The following LVRN variants were observed in gnomAD, a reference collection of about 807,000 sequenced individuals.
LVRN encodes the protein aminopeptidase Q.
Under a neutral mutation model 111.4 loss-of-function variants are expected in LVRN, and 99 were observed. The observed-to-expected ratio is 0.89, with a 90% confidence interval of 0.76 to 1.05. The LOEUF (loss-of-function observed/expected upper bound fraction) is 1.05. Ranked by LOEUF, LVRN falls within the 50% of genes least tolerant of loss-of-function variation. The pLI is 0.00. For missense variants in LVRN, 1,414 were observed against 1,206.8 expected (o/e 1.17, Z -2.54); for synonymous variants, 488 against 449.5 (o/e 1.09, Z -1.08).
chr5:115,964,185 A>C (rs547936156), intron 1 of LVRN, among the ~76,000 whole-genome samples: 3 of 152,230 alleles, frequency 2.0e-5, no homozygotes, highest in South Asian at 4.1e-4. Context: ...TTTTTTTCCA[A>C]CCGGCGATCT....
intron 1 of LVRN, among the ~76,000 whole-genome samples, chr5:115,973,529 G>A (rs1753372669): frequency 6.6e-6 from 1 of 152,064 alleles, no homozygotes; most frequent in Non-Finnish European, 1.5e-5. Flanking sequence ...GAGGCTCTCT[G>A]GGCCTAGAAA....
intron 1 of LVRN, among the ~76,000 whole-genome samples, chr5:115,976,683 T>C (rs1049922122): frequency 6.6e-6 from 1 of 152,246 alleles, no homozygotes; most frequent in African/African-American, 2.4e-5. Flanking sequence ...TTGGATTTTA[T>C]CTTTGACTCC....
chr5:115,972,931 ATT>A, intron 1 of LVRN, among the ~76,000 whole-genome samples: 1 of 143,516 alleles, frequency 7.0e-6, no homozygotes, highest in Admixed American at 6.9e-5. Context: ...CTAGCCTTGC[ATT>A]TTTTTTTTTT....
Position 116,015,704 on chromosome 5 carries a change from G to A in LVRN, c.2695G>A (p.Glu899Lys), listed in dbSNP as rs1482825521. ...TATAATTGAGGTTGTGGCTTCATCTGAAGTTGGCCGGTATGTCGCAAAAGA... is the reference window on the plus strand; with the variant it reads ...TATAATTGAGGTTGTGGCTTCATCTAAAGTTGGCCGGTATGTCGCAAAAGA... ...TNIIEVVASSEVGRYVAKDFL... is the reference protein window; with the variant it reads ...TNIIEVVASSKVGRYVAKDFL... The change falls in exon 18 of 20, where the codon GAA becomes AAA. Residue 899 changes from glutamate (E) to lysine (K), a missense_variant. Transcript: ENST00000357872. The A allele has an allele frequency of 6.2e-7, 1 of 1,613,460 alleles. No homozygotes were observed. The highest frequency in any genetic ancestry group is 1.7e-5 in the Admixed American group (1 of 59,956).
At chr5:115,984,957 C>A (rs1015350316) in intron 3 of LVRN, among the ~76,000 whole-genome samples, 13 of 152,120 alleles carry the variant, frequency 8.5e-5, no homozygotes, top group African/African-American at 3.1e-4. Context: ...AGGTCTGTGC[C>A]CCCTCTTCCC....
intron 1 of LVRN, among the ~76,000 whole-genome samples, chr5:115,979,278 C>A (rs1393089083): frequency 2.0e-5 from 3 of 152,172 alleles, no homozygotes; most frequent in African/African-American, 7.2e-5. Flanking sequence ...GCCATACCAT[C>A]AATTTCATCT....
chr5:115,979,762 G>C (rs1753523348), intron 1 of LVRN, among the ~76,000 whole-genome samples: 1 of 152,122 alleles, frequency 6.6e-6, no homozygotes, highest in Non-Finnish European at 1.5e-5. Context: ...TTCTGAGTGT[G>C]TTATTGTGTA....
intron 17 of LVRN, 61 bp from the exon 18 acceptor site, chr5:116,015,567 T>C: frequency 1.3e-6 from 2 of 1,539,720 alleles, no homozygotes; most frequent in Non-Finnish European, 1.7e-6. Context: ...ATTTTGTTTA[T>C]TTAAATTAAC....
intron 1 of LVRN, among the ~76,000 whole-genome samples, chr5:115,974,137 C>T (rs1405866283): frequency 3.3e-5 from 5 of 152,170 alleles, no homozygotes; most frequent in Non-Finnish European, 1.5e-5. Flanking sequence ...ACTACTTCAT[C>T]TAGTCTCTTT....
chr5:115,984,659 T>C lies in LVRN; in HGVS notation c.928T>C (p.Phe310Leu), dbSNP rs749076159. ...TPHMPTYLVA[F>L]VICDYDHVNR... ...CCACATGCCAACTTACTTAGTCGCA[T>C]TTGTTATATGTGACTATGACCACGT... Residue 310 changes from phenylalanine (F) to leucine (L), a missense_variant, in exon 3 of 20, where the codon TTT (phenylalanine) becomes CTT (leucine). By Grantham distance (22) the Phe-to-Leu change is conservative (BLOSUM62 0). Coordinates refer to ENST00000357872, the MANE Select transcript of LVRN (RefSeq NM_173800.5). The C allele has an allele frequency of 1.9e-6, 3 of 1,613,722 alleles. No homozygotes were observed. The Admixed American group carries it at 5.0e-5, about 27-fold the overall frequency.
chr5:115,974,646 T>A (rs186464446), intron 1 of LVRN: 1 of 157,368 alleles, frequency 6.4e-6, no homozygotes, highest in Non-Finnish European at 1.4e-5. Context: ...ATTCATCAAT[T>A]TGGTGGCAAC....
At chr5:115,982,618 G>C (rs1194484468) in intron 1 of LVRN, among the ~76,000 whole-genome samples, 3 of 152,098 alleles carry the variant, frequency 2.0e-5, no homozygotes, top group Non-Finnish European at 4.4e-5. Context: ...CTTCTCGTCT[G>C]CTCGGGGTAT....
intron 1 of LVRN, among the ~76,000 whole-genome samples, chr5:115,974,307 A>G (rs1753390275): frequency 1.3e-5 from 2 of 152,234 alleles, no homozygotes; most frequent in South Asian, 4.1e-4. Context: ...TACACCTACC[A>G]ACTCTGAAGG....
rs951809869 is a variant in LVRN at position 116,010,959 on chromosome 5, C to T, written c.2247+65C>T. On this transcript the variant is annotated intron_variant, in intron 14 of 19. Coordinates refer to ENST00000357872, the MANE Select transcript of LVRN (RefSeq NM_173800.5). The stretch of plus-strand genomic sequence containing the variant: ...TCTCTTCTTCTTTTCATATTTTAGC[C>T]AGCATCTGTGAGACAGGTCTTTTCC... 25 of 1,232,876 alleles carry T rather than the reference C, an allele frequency of 2.0e-5. No individual in the cohort carries two copies. The Admixed American group carries it at 3.9e-4, about 19-fold the overall frequency. 76.4% of individuals were successfully genotyped at this position (1,232,876 alleles called of 1,614,324 possible).
chr5:115,973,910 G>A (rs1188731339), intron 1 of LVRN, among the ~76,000 whole-genome samples: 2 of 152,064 alleles, frequency 1.3e-5, no homozygotes, highest in African/African-American at 4.8e-5. Flanking sequence ...GGTCTGCCTT[G>A]AGATTTATCT....
At chr5:115,974,942 A>AAATG in intron 1 of LVRN, 1 of 458,034 alleles carries the variant, frequency 2.2e-6, no homozygotes. Context: ...GTCACTTGAT[A>AAATG]AATGATCTGC....
intron 18 of LVRN, chr5:116,022,104 G>T: frequency 3.7e-6 from 1 of 272,586 alleles, no homozygotes. Context: ...TTTGAGACTT[G>T]TGACATGTAT....
Position 116,005,943 on chromosome 5 carries a change from T to C in LVRN, c.2069T>C (p.Ile690Thr). The C allele has an allele frequency of 1.3e-6, 2 of 1,593,930 alleles. No individual in the cohort carries two copies. The highest frequency in any genetic ancestry group is 8.6e-7 in the Non-Finnish European group (1 of 1,161,768). The change falls in exon 13 of 20, where the codon ATT becomes ACT. Residue 690 changes from isoleucine to threonine, a missense_variant. By Grantham distance (89) the Ile-to-Thr change is moderately conservative. Transcript: ENST00000357872. ...AIPVIHRLQLIDDAFSLSKNN... is the reference protein window; with the variant it reads ...AIPVIHRLQLTDDAFSLSKNN... The stretch of plus-strand genomic sequence containing the variant: ...CCTGTTATTCACAGACTGCAGTTGA[T>C]TGATGATGCCTTTTCCTTGTCTAAG...
At chr5:116,003,582 T>G (rs1245818416) in intron 12 of LVRN, among the ~76,000 whole-genome samples, 25 of 85,096 alleles carry the variant, frequency 2.9e-4, no homozygotes, top group Non-Finnish European at 3.5e-4. Context: ...TTTTTTGTTT[T>G]TTTTGTTTTT....
Sources: gnomAD v4.1 joint callset for allele counts (sites outside exome capture counted in the v4.1 genomes callset) on GRCh38, gnomAD v4.1.1 for gene constraint, MANE v1.5 for transcripts, NCBI Gene and HGNC (gene_info 2026-07-23, HGNC 2026-07-21) for gene names.